Variants in CACNA1C observed in about 807,000 individuals in gnomAD.
The protein encoded by CACNA1C is voltage-dependent L-type calcium channel subunit alpha-1C.
In CACNA1C, 30 loss-of-function variants were observed where a neutral mutation model predicts 229.0. The observed-to-expected ratio is 0.13, with a 90% CI of 0.10 to 0.18. CACNA1C has a LOEUF of 0.18. Ranked by LOEUF, CACNA1C falls within the 10% of genes least tolerant of loss-of-function variation. CACNA1C has a pLI of 1.00. For missense variants in CACNA1C, 1,658 were observed against 2,845.0 expected, an observed-to-expected ratio of 0.58 and a Z score of 9.49; for synonymous variants, 1,114 against 1,132.5, an observed-to-expected ratio of 0.98 and a Z score of 0.33.
intron 3 of CACNA1C, among the ~76,000 whole-genome samples, chr12:2,201,778 A>G (rs2097583805): frequency 6.6e-6 from 1 of 152,208 alleles, no homozygotes; most frequent in Admixed American, 6.5e-5. Flanking sequence ...AACCCTCTCC[A>G]AGAACCCTCC....
intron 1 of CACNA1C, among the ~76,000 whole-genome samples, chr12:1,995,306 G>A (rs1047551546): frequency 9.2e-5 from 14 of 152,308 alleles, no homozygotes; most frequent in Admixed American, 2.0e-4. Context: ...ATCATAATGC[G>A]TGTTGTGAGA....
At chr12:2,657,997 A>AAC (rs111747868) in intron 34 of CACNA1C, among the ~76,000 whole-genome samples, 8,548 of 151,308 alleles carry the variant, frequency 0.056, 652 homozygotes, top group African/African-American at 0.18. Context: ...GTATAAGGAG[A>AAC]ACACACACAC....
At position 2,067,449 on chromosome 12, in the gene CACNA1C, CGTGTGTGTGTGTGTGTGTGTGT is replaced by C. The variant is rs1555107490; in HGVS notation, c.49+13850_49+13871del. Among the ~76,000 whole-genome samples the C allele has an allele frequency of 7.1e-6, 1 of 141,376 alleles. No homozygotes were observed. Among genetic ancestry groups the C allele is most frequent in the Non-Finnish European group, 1.5e-5 (1 of 65,390 alleles). The allele number at this position is 141,376 out of a possible 152,430, so 92.7% of individuals were successfully genotyped here. A position where few individuals can be genotyped will look rare whatever the true frequency, so the allele number is the denominator to read the frequency against. On this transcript the variant is annotated intron_variant, in intron 1 of 46. Transcript: ENST00000399655. This position sits in a 1 kb window ranked among gnomAD's most constrained non-coding sequence, Gnocchi z 5.3. ...GCTTAGGACTGTGGACTAGGATGCA[CGTGTGTGTGTGTGTGTGTGTGT>C]GTGTGTGTGTGCGCGCGTGTGCGTG...
At chr12:2,495,202 A>G (rs2154572170) in intron 7 of CACNA1C, among the ~76,000 whole-genome samples, 1 of 152,362 alleles carries the variant, frequency 6.6e-6, no homozygotes, top group South Asian at 2.1e-4. Context: ...CACTTAGGGA[A>G]ACTTATTTTG....
At chr12:2,516,800 G>A (rs888412007) in intron 9 of CACNA1C, among the ~76,000 whole-genome samples, 1 of 152,198 alleles carries the variant, frequency 6.6e-6, no homozygotes, top group Non-Finnish European at 1.5e-5. Context: ...GAGATGTTGA[G>A]TATGTAATAA....
intron 3 of CACNA1C, among the ~76,000 whole-genome samples, chr12:2,448,189 A>C (rs1051856389): frequency 6.6e-6 from 1 of 152,180 alleles, no homozygotes; most frequent in Non-Finnish European, 1.5e-5. Flanking sequence ...TGGGAGCTGC[A>C]TCCTTAAATG....
chr12:2,558,532 C>A (rs2045771687), intron 11 of CACNA1C, among the ~76,000 whole-genome samples: 1 of 152,224 alleles, frequency 6.6e-6, no homozygotes, highest in Non-Finnish European at 1.5e-5. Context: ...CTAGAGGAGA[C>A]AGCAGCCCTA....
intron 21 of CACNA1C, among the ~76,000 whole-genome samples, chr12:2,598,328 G>A (rs1010323930): frequency 6.6e-6 from 1 of 152,192 alleles, no homozygotes; most frequent in Non-Finnish European, 1.5e-5. Context: ...AACAGGCAGA[G>A]CCCACCTCAG....
At chr12:2,178,879 T>A (rs1170426259) in intron 3 of CACNA1C, among the ~76,000 whole-genome samples, 1 of 152,054 alleles carries the variant, frequency 6.6e-6, no homozygotes, top group Non-Finnish European at 1.5e-5. Flanking sequence ...CTGGCCAACA[T>A]GACAAAACCC....
intron 29 of CACNA1C, among the ~76,000 whole-genome samples, chr12:2,627,557 C>T (rs1367873395): frequency 6.6e-6 from 1 of 152,090 alleles, no homozygotes; most frequent in African/African-American, 2.4e-5. Flanking sequence ...CCCCCACAGC[C>T]ACCTCTGCCC....
chr12:2,028,024 C>A (rs181488878), intron 1 of CACNA1C, among the ~76,000 whole-genome samples: 8 of 152,292 alleles, frequency 5.3e-5, no homozygotes, highest in African/African-American at 1.7e-4. Flanking sequence ...ATACCTGAAA[C>A]CTTCGCCTCC....
Position 2,602,055 on chromosome 12 carries a change from A to C in CACNA1C, c.2960+95A>C. The C allele has an allele frequency of 1.2e-6, 1 of 801,186 alleles. No individual in the cohort carries two copies. The highest frequency in any genetic ancestry group is 1.9e-5 in the Admixed American group (1 of 53,254). 49.6% of individuals were successfully genotyped at this position (801,186 alleles called of 1,614,324 possible). A position where few individuals can be genotyped will look rare whatever the true frequency, so the allele number is the denominator to read the frequency against. On this transcript the variant is annotated intron_variant, in intron 22 of 46. Coordinates refer to ENST00000399655, the MANE Select transcript of CACNA1C (RefSeq NM_000719.7). The surrounding 1 kb of genome is among the most constrained non-coding windows in gnomAD (Gnocchi z 4.4). ...CCCTGGAGGGCCTGCCTGCAGGGCC[A>C]CCGCAGTGTGATGAGAGTGGGGTGG...
In CACNA1C at chr12:2,677,266, A is replaced by T. The variant is rs770825585; in HGVS notation, c.4956+45A>T. ...CCCACACTCCAGGAAGGTCCTGGTC[A>T]TTGCCTCTGACCTCCAGTCAGGGTC... is the stretch of plus-strand genomic sequence containing the variant. On this transcript the variant is annotated intron_variant, in intron 40 of 46. Coordinates refer to ENST00000399655, the MANE Select transcript of CACNA1C (RefSeq NM_000719.7). This position sits in a 1 kb window ranked among gnomAD's most constrained non-coding sequence, Gnocchi z 7.4. The T allele has an allele frequency of 3.8e-6, 6 of 1,599,466 alleles. No homozygotes were observed. The highest frequency in any genetic ancestry group is 1.3e-5 in the African/African-American group (1 of 74,672).
chr12:2,505,643 C>T (rs1206273924), intron 8 of CACNA1C, among the ~76,000 whole-genome samples: 1 of 152,100 alleles, frequency 6.6e-6, no homozygotes, highest in Non-Finnish European at 1.5e-5. Flanking sequence ...GCAGCCTGGG[C>T]AACATAGCGA....
intron 3 of CACNA1C, among the ~76,000 whole-genome samples, chr12:2,192,044 G>A (rs531479571): frequency 2.6e-5 from 4 of 151,392 alleles, no homozygotes; most frequent in South Asian, 4.2e-4. Flanking sequence ...ACACATACAG[G>A]CACACACATA....
intron 5 of CACNA1C, among the ~76,000 whole-genome samples, chr12:2,476,607 C>A (rs1173814528): frequency 6.6e-6 from 1 of 152,112 alleles, no homozygotes; most frequent in African/African-American, 2.4e-5. Flanking sequence ...CACAGGGTTT[C>A]TTTTATATCT....
chr12:2,167,066 A>T (rs2096270267), intron 3 of CACNA1C, among the ~76,000 whole-genome samples: 2 of 152,256 alleles, frequency 1.3e-5, no homozygotes, highest in Non-Finnish European at 2.9e-5. Flanking sequence ...TGTTTCATTC[A>T]TTCAACCCAC....
At chr12:2,498,552 T>A (rs1193843188) in intron 7 of CACNA1C, among the ~76,000 whole-genome samples, 1 of 152,282 alleles carries the variant, frequency 6.6e-6, no homozygotes, top group African/African-American at 2.4e-5. Context: ...ATTTGCTGTT[T>A]CCTGGGACGA....
chr12:2,670,841 G>A (rs564989462), intron 38 of CACNA1C, among the ~76,000 whole-genome samples: 1 of 151,518 alleles, frequency 6.6e-6, no homozygotes, highest in East Asian at 2.0e-4. Context: ...GCGACAGAGT[G>A]AGGCTCCATC....
Sources: gnomAD v4.1 joint callset for allele counts (sites outside exome capture counted in the v4.1 genomes callset) on GRCh38, gnomAD v4.1.1 for gene constraint, Gnocchi (gnomAD v3.1) non-coding constraint, MANE v1.5 for transcripts, NCBI Gene and HGNC (gene_info 2026-07-23, HGNC 2026-07-21) for gene names.